The following MSL2 variants were observed in gnomAD, a reference collection of about 807,000 sequenced individuals.
The protein encoded by MSL2 is E3 ubiquitin-protein ligase MSL2.
Under a neutral mutation model 35.8 loss-of-function variants are expected in MSL2, and 2 were observed. The ratio of observed to expected loss-of-function variants is 0.06; its 90% confidence interval spans 0.02 to 0.18. The LOEUF (loss-of-function observed/expected upper bound fraction) is 0.18. MSL2 is among the 10% of genes least tolerant of loss of function. MSL2 has a pLI of 1.00. For missense variants in MSL2, 523 were observed against 706.7 expected, an observed-to-expected ratio of 0.74 and a Z score of 2.95; for synonymous variants, 296 against 255.7, an observed-to-expected ratio of 1.16 and a Z score of -1.50.
chr3:136,193,887 CT>C (rs1174309679), intron 1 of MSL2, among the ~76,000 whole-genome samples: 4 of 152,202 alleles, frequency 2.6e-5, no homozygotes, highest in African/African-American at 9.6e-5. Flanking sequence ...ACCGCCACCT[CT>C]TCTGCACCCA....
chr3:136,187,122 T>A (rs1051752490), intron 1 of MSL2, among the ~76,000 whole-genome samples: 1 of 152,208 alleles, frequency 6.6e-6, no homozygotes, highest in Non-Finnish European at 1.5e-5. Context: ...ATCAAGTACA[T>A]GTTATGTGAA....
chr3:136,151,016 C>T lies in MSL2; in HGVS notation c.*131G>A. ...ATTTCCCCGACACTAACACATATAA[C>T]TTAGCAATGAAAACACTTGATACAA... On this transcript the variant is annotated 3_prime_UTR_variant, in exon 2 of 2. Transcript: ENST00000309993. This position sits in a 1 kb window ranked among gnomAD's most constrained non-coding sequence, Gnocchi z 5.2. 2.0e-6 allele frequency: 2 copies of T among 992,476 alleles called. No homozygotes were observed. The highest frequency in any genetic ancestry group is 1.6e-5 in the South Asian group (1 of 63,508). The allele number at this position is 992,476 out of a possible 1,614,324, so 61.5% of individuals were successfully genotyped here.
chr3:136,166,415 G>C (rs1040709439), intron 1 of MSL2, among the ~76,000 whole-genome samples: 1 of 151,154 alleles, frequency 6.6e-6, no homozygotes, highest in Non-Finnish European at 1.5e-5. Context: ...TAAGGCCCCA[G>C]AAAGGGGCTT....
chr3:136,189,412 G>C (rs1940619333), intron 1 of MSL2, among the ~76,000 whole-genome samples: 2 of 143,264 alleles, frequency 1.4e-5, no homozygotes, highest in South Asian at 4.7e-4. Context: ...CTGCATACTA[G>C]ATAAATGTGC....
chr3:136,182,359 T>C (rs1244764567), intron 1 of MSL2, among the ~76,000 whole-genome samples: 1 of 152,194 alleles, frequency 6.6e-6, no homozygotes, highest in Non-Finnish European at 1.5e-5. Context: ...ATAATCAGAT[T>C]TACTCTCCTA....
At chr3:136,164,832 TAC>T (rs1452625818) in intron 1 of MSL2, among the ~76,000 whole-genome samples, 1 of 152,094 alleles carries the variant, frequency 6.6e-6, no homozygotes, top group African/African-American at 2.4e-5. Flanking sequence ...TCCATATAGT[TAC>T]ACACACAAGT....
In MSL2 at chr3:136,159,354, C is replaced by CTTTTTTTTTTTTTTTTTT. The variant is rs71157361; in HGVS notation, c.143-6634_143-6617dup. ...TTCAATGGGGAAAGGAGAGTACTTT[C>CTTTTTTTTTTTTTTTTTT]TTTTTTTTTTTTTTTTTTTTTTTTT... On this transcript the variant is annotated intron_variant, in intron 1 of 1. Transcript: ENST00000309993. 9.0e-4 allele frequency among the ~76,000 whole-genome samples: 63 copies of CTTTTTTTTTTTTTTTTTT among 70,064 alleles called. 3 individuals are homozygous for CTTTTTTTTTTTTTTTTTT. The highest frequency in any genetic ancestry group is 3.3e-3 in the African/African-American group (60 of 18,014). 46.0% of individuals were successfully genotyped at this position (70,064 alleles called of 152,430 possible). A position where few individuals can be genotyped will look rare whatever the true frequency, so the allele number is the denominator to read the frequency against.
At chr3:136,166,299 A>G (rs1939850784) in intron 1 of MSL2, among the ~76,000 whole-genome samples, 1 of 151,978 alleles carries the variant, frequency 6.6e-6, no homozygotes, top group Non-Finnish European at 1.5e-5. Flanking sequence ...GAGGCAGGAG[A>G]ATTGTCTGAG....
intron 1 of MSL2, among the ~76,000 whole-genome samples, chr3:136,160,526 A>G (rs1939680796): frequency 6.6e-6 from 1 of 151,820 alleles, no homozygotes; most frequent in African/African-American, 2.4e-5. Flanking sequence ...CCTGGCCAAC[A>G]CAGTAAAACC....
At chr3:136,188,908 G>A (rs984589825) in intron 1 of MSL2, among the ~76,000 whole-genome samples, 4 of 151,014 alleles carry the variant, frequency 2.6e-5, no homozygotes, top group African/African-American at 4.9e-5. Flanking sequence ...TAAGATGAAG[G>A]GCTGCAAATC....
In MSL2 at chr3:136,152,742, AG is replaced by A. The variant is rs751834718; in HGVS notation, c.143-5del. The stretch of plus-strand genomic sequence containing the variant: ...ATAGGATCTTGTAGCAAATGTCCTA[AG>A]GGGGAGAAGGAGGAAAGCAAAGATT... On this transcript the variant is annotated splice_region_variant and splice_polypyrimidine_tract_variant and intron_variant, in intron 1 of 1. Coordinates refer to ENST00000309993, the MANE Select transcript of MSL2 (RefSeq NM_018133.4). The A allele has an allele frequency of 4.4e-6, 7 of 1,603,832 alleles. No homozygotes were observed. Among genetic ancestry groups the A allele is most frequent in the Admixed American group, 3.5e-5 (2 of 57,604 alleles).
chr3:136,195,221 G>A lies in MSL2; in HGVS notation c.-108C>T. 2.6e-6 allele frequency: 4 copies of A among 1,520,270 alleles called. No individual in the cohort carries two copies. The highest frequency in any genetic ancestry group is 1.4e-5 in the African/African-American group (1 of 71,530). The allele number at this position is 1,520,270 out of a possible 1,614,324, so 94.2% of individuals were successfully genotyped here. A position where few individuals can be genotyped will look rare whatever the true frequency, so the allele number is the denominator to read the frequency against. The stretch of plus-strand genomic sequence containing the variant: ...ATTTGCAACAATTCGGAAGAAATCA[G>A]AGCCGAACCATTGGCCAAACAAGTA... On this transcript the variant is annotated 5_prime_UTR_variant, in exon 1 of 2. Coordinates refer to ENST00000309993, the MANE Select transcript of MSL2 (RefSeq NM_018133.4).
intron 1 of MSL2, among the ~76,000 whole-genome samples, chr3:136,189,281 A>G (rs1229850228): frequency 6.7e-6 from 1 of 148,968 alleles, no homozygotes; most frequent in Non-Finnish European, 1.5e-5. Flanking sequence ...CCTAGGCAAC[A>G]GAACAAGACC....
At position 136,195,187 on chromosome 3, in the gene MSL2, C is replaced by A. The variant is rs1940800724; in HGVS notation, c.-74G>T. ...TCCAACTTAGTAAGCAGCCAGGGAA[C>A]GATGGCGAATTTGCAACAATTCGGA... On this transcript the variant is annotated 5_prime_UTR_variant, in exon 1 of 2. Coordinates refer to ENST00000309993, the MANE Select transcript of MSL2 (RefSeq NM_018133.4). 7 of 1,547,160 alleles carry A rather than the reference C, an allele frequency of 4.5e-6. No individual in the cohort carries two copies. The highest frequency in any genetic ancestry group is 2.0e-4 in the Middle Eastern group (1 of 4,924).
chr3:136,155,188 G>A (rs538825492), intron 1 of MSL2, among the ~76,000 whole-genome samples: 7 of 150,418 alleles, frequency 4.7e-5, no homozygotes, highest in East Asian at 3.9e-4. Context: ...CCAGCCTGGC[G>A]ACAGGGCAAG....
chr3:136,172,514 A>G (rs765844830), intron 1 of MSL2, among the ~76,000 whole-genome samples: 1 of 152,090 alleles, frequency 6.6e-6, no homozygotes, highest in East Asian at 1.9e-4. Context: ...GAAAGGCAAA[A>G]ATTGCTAATC....
intron 1 of MSL2, among the ~76,000 whole-genome samples, chr3:136,158,320 A>T (rs958518522): frequency 2.9e-5 from 4 of 140,034 alleles, no homozygotes; most frequent in South Asian, 2.3e-4. Flanking sequence ...AATTAAAATT[A>T]AAAAAAAAAA....
chr3:136,196,021 C>T lies in MSL2; in HGVS notation c.-908G>A, dbSNP rs750511768. 4 of 168,890 alleles carry T rather than the reference C, an allele frequency of 2.4e-5. No individual in the cohort carries two copies. Among genetic ancestry groups the T allele is most frequent in the African/African-American group, 7.2e-5 (3 of 41,528 alleles). The allele number at this position is 168,890 out of a possible 1,614,324, so 10.5% of individuals were successfully genotyped here. ...CAGACGACTCCTCCGCCGAGCACGA[C>T]GGCCGCCGCCGCCCTCAGCACTCCC... is the stretch of plus-strand genomic sequence containing the variant. On this transcript the variant is annotated 5_prime_UTR_variant, in exon 1 of 2. Transcript: ENST00000309993.
intron 1 of MSL2, among the ~76,000 whole-genome samples, chr3:136,179,642 T>G (rs1940279955): frequency 6.6e-6 from 1 of 152,216 alleles, no homozygotes; most frequent in Non-Finnish European, 1.5e-5. Flanking sequence ...TTAAATGATT[T>G]GAAGGAAAAA....
Sources: allele counts gnomAD v4.1 joint callset (sites outside exome capture counted in the v4.1 genomes callset), GRCh38; gene constraint gnomAD v4.1.1; non-coding constraint Gnocchi (gnomAD v3.1); transcripts MANE v1.5; gene names NCBI Gene and HGNC (gene_info 2026-07-23, HGNC 2026-07-21).